Variants in STRN observed in about 807,000 individuals in gnomAD.
The protein encoded by STRN is striatin.
STRN carries 53 observed loss-of-function variants against 96.3 expected under a neutral mutation model. The ratio of observed to expected loss-of-function variants is 0.55; its 90% CI spans 0.44 to 0.69. STRN has a LOEUF of 0.69. Ranked by LOEUF, STRN falls within the 30% of genes least tolerant of loss-of-function variation. The pLI is 0.00. For synonymous variants in STRN, 428 were observed against 355.9 expected (o/e 1.20, Z -2.28); for missense variants, 987 against 963.9 (o/e 1.02, Z -0.32).
At chr2:36,921,733 G>A (rs1670261650) in intron 2 of STRN, among the ~76,000 whole-genome samples, 1 of 152,068 alleles carries the variant, frequency 6.6e-6, no homozygotes, top group East Asian at 1.9e-4. Context: ...CAGCTACTGT[G>A]TTATCATTTC....
intron 3 of STRN, among the ~76,000 whole-genome samples, chr2:36,910,121 C>T (rs1485922676): frequency 2.0e-5 from 3 of 147,312 alleles, no homozygotes; most frequent in Non-Finnish European, 4.4e-5. Context: ...TGCAGTGAGC[C>T]GAGATCGTGG....
chr2:36,902,311 C>A (rs1310281076), intron 5 of STRN, among the ~76,000 whole-genome samples: 1 of 152,008 alleles, frequency 6.6e-6, no homozygotes, highest in African/African-American at 2.4e-5. Flanking sequence ...CAAATAAAAT[C>A]TTTTCTGAAG....
intron 2 of STRN, among the ~76,000 whole-genome samples, chr2:36,921,023 C>T (rs1276097740): frequency 6.6e-6 from 1 of 151,118 alleles, no homozygotes; most frequent in African/African-American, 2.4e-5. Flanking sequence ...TGCAGTGAGC[C>T]GATATCACAC....
At chr2:36,903,189 GTTAT>G (rs1669734775) in intron 4 of STRN, among the ~76,000 whole-genome samples, 1 of 152,144 alleles carries the variant, frequency 6.6e-6, no homozygotes, top group African/African-American at 2.4e-5. Flanking sequence ...ACACAAGGTA[GTTAT>G]TTCTCGAGTC....
rs1370293986 is a variant in STRN, at chr2:36,869,790, G to C, written c.1324-61C>G. On this transcript the variant is annotated intron_variant, in intron 10 of 17. Coordinates refer to ENST00000263918, the MANE Select transcript of STRN (RefSeq NM_003162.4). ...TAGTTAAGGATAGGGGAAAAAACTT[G>C]CATTTCAACATTAATTCTTGCTGAT... is the stretch of plus-strand genomic sequence containing the variant. 9.1e-6 allele frequency: 12 copies of C among 1,311,674 alleles called. No homozygotes were observed. The African/African-American group carries it at 1.2e-4, about 13-fold the overall frequency. 81.3% of individuals were successfully genotyped at this position (1,311,674 alleles called of 1,614,324 possible).
chr2:36,926,877 G>A (rs1156282903), intron 1 of STRN, among the ~76,000 whole-genome samples: 1 of 152,120 alleles, frequency 6.6e-6, no homozygotes, highest in Non-Finnish European at 1.5e-5. Flanking sequence ...AATGACACAT[G>A]CATTTAAAGC....
At chr2:36,873,747 A>G (rs1235442483) in intron 10 of STRN, among the ~76,000 whole-genome samples, 4 of 151,860 alleles carry the variant, frequency 2.6e-5, no homozygotes, top group Admixed American at 2.6e-4. Flanking sequence ...GATTGAGACC[A>G]TCCTGACCAA....
In STRN at chr2:36,848,881, C is replaced by G. The variant is rs1394913848; in HGVS notation, c.*575G>C. On this transcript the variant is annotated 3_prime_UTR_variant, in exon 18 of 18. Transcript: ENST00000263918. Reference sequence around the variant, plus strand: ...TATTATTGCATTTTTCTCCCCCTAACAGGTAAAATGCTTTGCCAGGTGCTT... The same window carrying G: ...TATTATTGCATTTTTCTCCCCCTAAGAGGTAAAATGCTTTGCCAGGTGCTT... 2 of 152,688 alleles carry G rather than the reference C, an allele frequency of 1.3e-5. No individual in the cohort carries two copies. The highest frequency in any genetic ancestry group is 2.9e-5 in the Non-Finnish European group (2 of 68,134). 9.5% of individuals were successfully genotyped at this position (152,688 alleles called of 1,614,324 possible).
At chr2:36,865,924 G>C (rs1668610660) in intron 12 of STRN, among the ~76,000 whole-genome samples, 1 of 152,104 alleles carries the variant, frequency 6.6e-6, no homozygotes, top group Non-Finnish European at 1.5e-5. Flanking sequence ...GAATTTCCCA[G>C]AGATTCTGGT....
Position 36,849,382 on chromosome 2 carries a change from G to A in STRN, c.*74C>T, listed in dbSNP as rs1393513989. 2.9e-5 allele frequency: 44 copies of A among 1,518,274 alleles called. No individual in the cohort carries two copies. Among genetic ancestry groups the A allele is most frequent in the Non-Finnish European group, 3.8e-5 (42 of 1,111,594 alleles). The allele number at this position is 1,518,274 out of a possible 1,614,324, so 94.1% of individuals were successfully genotyped here. A position where few individuals can be genotyped will look rare whatever the true frequency, so the allele number is the denominator to read the frequency against. On this transcript the variant is annotated 3_prime_UTR_variant, in exon 18 of 18. Coordinates refer to ENST00000263918, the MANE Select transcript of STRN (RefSeq NM_003162.4). The stretch of plus-strand genomic sequence containing the variant: ...AAAAGGGCAGGACGAGATGATTCTT[G>A]CCCTCGTCTTCTGTATCTCTTGTGT...
intron 2 of STRN, among the ~76,000 whole-genome samples, chr2:36,922,179 G>C (rs928035350): frequency 6.6e-6 from 1 of 152,070 alleles, no homozygotes; most frequent in African/African-American, 2.4e-5. Flanking sequence ...TCTGGGTAAA[G>C]GGTATACAAG....
chr2:36,950,222 T>TG (rs1311704966), intron 1 of STRN, among the ~76,000 whole-genome samples: 4 of 146,584 alleles, frequency 2.7e-5, no homozygotes, highest in Middle Eastern at 3.2e-3. Context: ...TGTTTTTTTT[T>TG]TTTTTTTTTT....
At chr2:36,951,596 T>C (rs72785099) in intron 1 of STRN, among the ~76,000 whole-genome samples, 4,596 of 152,314 alleles carry the variant, frequency 0.03, 97 homozygotes, top group Middle Eastern at 0.051. Flanking sequence ...ACAGACAAGA[T>C]ATACATATAT....
intron 5 of STRN, among the ~76,000 whole-genome samples, chr2:36,902,167 A>C (rs1172147230): frequency 2.0e-5 from 3 of 152,224 alleles, no homozygotes; most frequent in African/African-American, 7.2e-5. Context: ...TTTATATCAA[A>C]GATAAATTAC....
intron 2 of STRN, among the ~76,000 whole-genome samples, chr2:36,920,854 A>G (rs1212075440): frequency 6.6e-6 from 1 of 151,894 alleles, no homozygotes. Flanking sequence ...AGGCGGGCGG[A>G]TCACAAGGTC....
intron 1 of STRN, among the ~76,000 whole-genome samples, chr2:36,950,045 CA>C: frequency 6.6e-6 from 1 of 151,684 alleles, no homozygotes; most frequent in Middle Eastern, 3.4e-3. Flanking sequence ...AACAAAGGAA[CA>C]GAGAGAGAGA....
chr2:36,927,528 G>A (rs959838796), intron 1 of STRN, among the ~76,000 whole-genome samples: 1 of 145,994 alleles, frequency 6.8e-6, no homozygotes, highest in African/African-American at 2.5e-5. Context: ...AAAAAAAGGG[G>A]GGGGGGGGTG....
chr2:36,873,864 A>T (rs1167958369), intron 10 of STRN, among the ~76,000 whole-genome samples: 1 of 151,240 alleles, frequency 6.6e-6, no homozygotes, highest in Non-Finnish European at 1.5e-5. Flanking sequence ...AATTGCTTGA[A>T]CCTGGGAGGC....
intron 4 of STRN, among the ~76,000 whole-genome samples, chr2:36,904,330 T>C (rs886896206): frequency 3.3e-5 from 5 of 152,182 alleles, no homozygotes; most frequent in African/African-American, 1.2e-4. Context: ...TTTGGAAACC[T>C]TGGGTTTAAA....
Sources: gnomAD v4.1 joint callset for allele counts (sites outside exome capture counted in the v4.1 genomes callset) on GRCh38, gnomAD v4.1.1 for gene constraint, MANE v1.5 for transcripts, NCBI Gene and HGNC (gene_info 2026-07-23, HGNC 2026-07-21) for gene names.